The following EXOC4 variants were observed in gnomAD, a reference collection of about 807,000 sequenced individuals.
EXOC4 encodes the protein exocyst complex component 4.
In EXOC4, 71 loss-of-function variants were observed where a neutral mutation model predicts 107.2. The observed-to-expected ratio is 0.66, with a 90% CI of 0.55 to 0.81. EXOC4 has a LOEUF of 0.81. Ranked by LOEUF, EXOC4 falls within the 30% of genes least tolerant of loss-of-function variation. The probability of loss-of-function intolerance (pLI) is 0.00; values close to 1 mark genes in which losing one functional copy is unlikely to be tolerated. For missense variants in EXOC4, 1,108 were observed against 1,189.6 expected (o/e 0.93, Z 1.01); for synonymous variants, 456 against 441.2 (o/e 1.03, Z -0.42).
rs1456915647 is a variant in EXOC4, at chr7:133,591,578, G to A, written c.1418-38467G>A. On this transcript the variant is annotated intron_variant, in intron 9 of 17. Coordinates refer to ENST00000253861, the MANE Select transcript of EXOC4 (RefSeq NM_021807.4). ...TGTGTGTGTGTGTGTGCGTGTGTGTGTGTGTGTGTGTGTGTGTATTTTCTA... is the reference window on the plus strand; with the variant it reads ...TGTGTGTGTGTGTGTGCGTGTGTGTATGTGTGTGTGTGTGTGTATTTTCTA... Among the ~76,000 whole-genome samples, 1,063 of 150,034 alleles carry A rather than the reference G, an allele frequency of 7.1e-3. 5 individuals carry two copies. Among genetic ancestry groups the A allele is most frequent in the Middle Eastern group, 0.011 (3 of 284 alleles).
At chr7:133,730,878 T>TG (rs1795312391) in intron 10 of EXOC4, among the ~76,000 whole-genome samples, 1 of 152,168 alleles carries the variant, frequency 6.6e-6, no homozygotes, top group African/African-American at 2.4e-5. Flanking sequence ...GTGAATGCTG[T>TG]GGAAGACAGG....
At chr7:133,587,947 T>C (rs937935616) in intron 9 of EXOC4, among the ~76,000 whole-genome samples, 3 of 152,224 alleles carry the variant, frequency 2.0e-5, no homozygotes, top group Non-Finnish European at 4.4e-5. Flanking sequence ...GACTATAGAC[T>C]GTAATTTCAT....
chr7:134,080,410 T>TTTGTTGTTG, the EXOC4 span, among the ~76,000 whole-genome samples: 7,260 of 151,338 alleles, frequency 0.048, 258 homozygotes, highest in Middle Eastern at 0.13. Flanking sequence ...TATTAATAAG[T>TTTGTTGTTG]TTGTTGTTGT....
the EXOC4 span, among the ~76,000 whole-genome samples, chr7:134,092,377 A>G: frequency 2.0e-5 from 3 of 152,292 alleles, no homozygotes; most frequent in South Asian, 4.1e-4. Flanking sequence ...ACAGGAAAAG[A>G]CAAGTCAATA....
intron 11 of EXOC4, among the ~76,000 whole-genome samples, chr7:133,825,208 A>G (rs1797672749): frequency 6.6e-6 from 1 of 151,814 alleles, no homozygotes; most frequent in African/African-American, 2.4e-5. Context: ...GAAAGAAAGA[A>G]AAAAAGCCAG....
intron 1 of EXOC4, among the ~76,000 whole-genome samples, chr7:133,270,028 C>T (rs1465802650): frequency 6.6e-6 from 1 of 152,140 alleles, no homozygotes; most frequent in Non-Finnish European, 1.5e-5. Flanking sequence ...GGGAGCAACT[C>T]AGTAGGAGGT....
chr7:133,392,529 G>A (rs1302001860), intron 7 of EXOC4, among the ~76,000 whole-genome samples: 1 of 152,122 alleles, frequency 6.6e-6, no homozygotes, highest in Non-Finnish European at 1.5e-5. Context: ...CTGCAAGCTG[G>A]CCTCTTTGGG....
chr7:133,713,970 A>G (rs1794948389), intron 10 of EXOC4, among the ~76,000 whole-genome samples: 1 of 152,166 alleles, frequency 6.6e-6, no homozygotes, highest in Non-Finnish European at 1.5e-5. Context: ...AAGAGCTATA[A>G]TGGAAACCAA....
chr7:133,935,706 A>C (rs1017184623), intron 13 of EXOC4, among the ~76,000 whole-genome samples: 2 of 152,188 alleles, frequency 1.3e-5, no homozygotes, highest in African/African-American at 4.8e-5. Context: ...TGTGTTATGC[A>C]CTTAAAAGCA....
intron 10 of EXOC4, among the ~76,000 whole-genome samples, chr7:133,708,457 A>G (rs1386735316): frequency 1.3e-5 from 2 of 152,224 alleles, no homozygotes; most frequent in African/African-American, 2.4e-5. Context: ...GAAGAAGACA[A>G]TCAACACATT....
chr7:133,261,893 C>T (rs1795161545), intron 1 of EXOC4, among the ~76,000 whole-genome samples: 2 of 152,152 alleles, frequency 1.3e-5, no homozygotes, highest in South Asian at 4.1e-4. Flanking sequence ...TGTTATTTTC[C>T]TGGCCTTGGG....
chr7:133,334,010 GGTTA>G (rs915579885), intron 5 of EXOC4, among the ~76,000 whole-genome samples: 1 of 152,112 alleles, frequency 6.6e-6, no homozygotes, highest in African/African-American at 2.4e-5. Context: ...CAGTTACTTA[GGTTA>G]GTTCTTTTCG....
chr7:133,957,835 T>C (rs1361451431), intron 14 of EXOC4, among the ~76,000 whole-genome samples: 1 of 152,212 alleles, frequency 6.6e-6, no homozygotes, highest in Non-Finnish European at 1.5e-5. Flanking sequence ...TAATTAGCCA[T>C]GTTGCAATCT....
intron 7 of EXOC4, among the ~76,000 whole-genome samples, chr7:133,470,197 A>G (rs1483759203): frequency 6.6e-6 from 1 of 152,208 alleles, no homozygotes; most frequent in Non-Finnish European, 1.5e-5. Flanking sequence ...AAGACAGAAG[A>G]TGTGTTAATT....
the EXOC4 span, among the ~76,000 whole-genome samples, chr7:134,071,696 T>C: frequency 6.6e-6 from 1 of 152,204 alleles, no homozygotes; most frequent in African/African-American, 2.4e-5. Context: ...AAAGTTAAGC[T>C]ATACACTAAA....
chr7:133,640,884 A>C (rs1168780617), intron 10 of EXOC4, among the ~76,000 whole-genome samples: 1 of 150,328 alleles, frequency 6.7e-6, no homozygotes, highest in African/African-American at 2.4e-5. Flanking sequence ...TTTTTTTTTT[A>C]AGAGAGAGGA....
chr7:133,666,559 A>G (rs749436764), intron 10 of EXOC4, among the ~76,000 whole-genome samples: 12 of 152,132 alleles, frequency 7.9e-5, no homozygotes, highest in Non-Finnish European at 1.5e-4. Context: ...GAAACATTCA[A>G]AATCTTACTT....
intron 10 of EXOC4, among the ~76,000 whole-genome samples, chr7:133,665,174 C>G (rs955536496): frequency 1.3e-5 from 2 of 152,178 alleles, no homozygotes; most frequent in Non-Finnish European, 2.9e-5. Context: ...GGAATCTATA[C>G]TGATTTCTTC....
intron 6 of EXOC4, among the ~76,000 whole-genome samples, chr7:133,368,996 C>T (rs1011223051): frequency 6.6e-6 from 1 of 152,134 alleles, no homozygotes; most frequent in Non-Finnish European, 1.5e-5. Flanking sequence ...CTAGCTGCAA[C>T]ATAATGTTTT....
Sources: allele counts gnomAD v4.1 joint callset (sites outside exome capture counted in the v4.1 genomes callset), GRCh38; gene constraint gnomAD v4.1.1; transcripts MANE v1.5; gene names NCBI Gene and HGNC (gene_info 2026-07-23, HGNC 2026-07-21).